Variants in ERC2 observed in about 807,000 individuals in gnomAD.
ERC2 encodes ERC protein 2.
In ERC2, 42 loss-of-function variants were observed where a neutral mutation model predicts 114.8. That is an observed-to-expected ratio of 0.37 (90% CI 0.29 to 0.47). The LOEUF (loss-of-function observed/expected upper bound fraction) is 0.47. Among genes scored for constraint, ERC2 ranks in the 20% least tolerant of loss-of-function variants. The pLI is 0.99. For synonymous variants in ERC2, 454 were observed against 425.5 expected, an observed-to-expected ratio of 1.07 and a Z score of -0.82; for missense variants, 939 against 1,150.7, an observed-to-expected ratio of 0.82 and a Z score of 2.66.
intron 7 of ERC2, among the ~76,000 whole-genome samples, chr3:56,025,968 C>A (rs2074014391): frequency 6.7e-6 from 1 of 149,038 alleles, no homozygotes; most frequent in Non-Finnish European, 1.5e-5. Flanking sequence ...TTAATATGGC[C>A]AAAAAATGGA....
chr3:56,296,406 T>C lies in ERC2; in HGVS notation c.687A>G (p.Gln229=). The C allele has an allele frequency of 6.2e-7, 1 of 1,613,884 alleles. No individual in the cohort carries two copies. The highest frequency in any genetic ancestry group is 2.2e-5 in the East Asian group (1 of 44,872). Reference sequence around the variant, plus strand: ...GGTCTCTCTGGGTTCGCAGCTCATCTTGAAGGGCCTGGATTGTCAACTGTA... The same window carrying C: ...GGTCTCTCTGGGTTCGCAGCTCATCCTGAAGGGCCTGGATTGTCAACTGTA... ...QHLQLTIQAL[Q]DELRTQRDLN... Residue 229 remains glutamine, a synonymous_variant, in exon 3 of 18, where the codon CAA becomes CAG. Coordinates refer to ENST00000288221, the MANE Select transcript of ERC2 (RefSeq NM_015576.3).
At chr3:55,909,371 T>C (rs144308703) in intron 13 of ERC2, among the ~76,000 whole-genome samples, 36 of 152,302 alleles carry the variant, frequency 2.4e-4, no homozygotes, top group African/African-American at 7.7e-4. Context: ...GTACTTCTCT[T>C]GATACAGAGG....
intron 14 of ERC2, among the ~76,000 whole-genome samples, chr3:55,858,989 C>T (rs897954451): frequency 1.3e-5 from 2 of 152,204 alleles, no homozygotes; most frequent in Non-Finnish European, 2.9e-5. Context: ...GACCTGGCTC[C>T]TTTACAGCCC....
intron 7 of ERC2, among the ~76,000 whole-genome samples, chr3:56,078,887 T>C (rs1045478719): frequency 6.7e-6 from 1 of 149,856 alleles, no homozygotes; most frequent in Non-Finnish European, 1.5e-5. Flanking sequence ...AAAATACATA[T>C]ACACACAAAA....
At chr3:56,052,698 C>T (rs2075827225) in intron 7 of ERC2, among the ~76,000 whole-genome samples, 1 of 152,076 alleles carries the variant, frequency 6.6e-6, no homozygotes, top group Admixed American at 6.6e-5. Context: ...AGAGTTAATG[C>T]AAATGTAGAA....
chr3:55,579,634 C>T (rs1014096676), intron 17 of ERC2, among the ~76,000 whole-genome samples: 4 of 152,262 alleles, frequency 2.6e-5, no homozygotes, highest in African/African-American at 9.6e-5. Flanking sequence ...ATGAAATATA[C>T]AGCGCATGCT....
chr3:56,004,056 A>G (rs934859506), intron 10 of ERC2, among the ~76,000 whole-genome samples: 1 of 152,056 alleles, frequency 6.6e-6, no homozygotes, highest in Non-Finnish European at 1.5e-5. Flanking sequence ...TTCAACTTGA[A>G]TGAAGTAAAT....
chr3:55,844,039 C>T (rs555137342), intron 14 of ERC2, among the ~76,000 whole-genome samples: 9 of 152,240 alleles, frequency 5.9e-5, no homozygotes, highest in South Asian at 4.1e-4. Flanking sequence ...CCAAAGTAAA[C>T]GAACATTTTT....
chr3:56,049,818 ATGTGTGTGTGTGTGTGTGTGTGTGTGTG>A (rs3052672), intron 7 of ERC2, among the ~76,000 whole-genome samples: 1 of 145,208 alleles, frequency 6.9e-6, no homozygotes, highest in Non-Finnish European at 1.5e-5. Flanking sequence ...CCCATCATAT[ATGTGTGTGTGTGTGTGTGTGTGTGTGTG>A]TGTGTGTGTG....
intron 14 of ERC2, among the ~76,000 whole-genome samples, chr3:55,747,937 T>G (rs1390196): frequency 0.6 from 90,667 of 152,078 alleles, 27,419 homozygotes; most frequent in South Asian, 0.7. Flanking sequence ...TTACCTGAAA[T>G]TTCTGGACTC....
chr3:56,309,964 G>A (rs1388128132), intron 2 of ERC2, among the ~76,000 whole-genome samples: 1 of 152,140 alleles, frequency 6.6e-6, no homozygotes, highest in Non-Finnish European at 1.5e-5. Context: ...AAGCGCTTTG[G>A]CATTTTTTTA....
chr3:55,919,213 T>C (rs752714594), intron 13 of ERC2, among the ~76,000 whole-genome samples: 7 of 152,038 alleles, frequency 4.6e-5, no homozygotes, highest in Non-Finnish European at 8.8e-5. Flanking sequence ...ACCTTATCTC[T>C]ACAAAAAGTT....
chr3:55,523,313 G>T lies in ERC2; in HGVS notation c.*40-12037C>A, dbSNP rs998082156. ...TGATATTGCAAAACTCTACAGAGAT[G>T]TATGAAATTCCTGATCCGGGGTGCC... On this transcript the variant is annotated intron_variant, in intron 17 of 17. Coordinates refer to ENST00000288221, the MANE Select transcript of ERC2 (RefSeq NM_015576.3). 2.0e-5 allele frequency among the ~76,000 whole-genome samples: 3 copies of T among 152,242 alleles called. No homozygotes were observed. The South Asian group carries it at 6.2e-4, about 31-fold the overall frequency.
intron 17 of ERC2, among the ~76,000 whole-genome samples, chr3:55,583,648 A>G (rs1372084084): frequency 6.7e-6 from 1 of 149,646 alleles, no homozygotes; most frequent in Non-Finnish European, 1.5e-5. Context: ...TTTACTGAGT[A>G]CAAGTCTATG....
chr3:55,679,124 T>C (rs1252370214), intron 17 of ERC2, among the ~76,000 whole-genome samples: 21 of 152,212 alleles, frequency 1.4e-4, no homozygotes, highest in Admixed American at 1.4e-3. Context: ...AGGCTTAAAA[T>C]CTAAACTCTC....
chr3:55,636,135 C>T (rs1023097211), intron 17 of ERC2, among the ~76,000 whole-genome samples: 2 of 152,136 alleles, frequency 1.3e-5, no homozygotes, highest in Non-Finnish European at 2.9e-5. Flanking sequence ...CTCGGCCTCC[C>T]AAAGTGCTGG....
chr3:56,123,006 T>C (rs2079666023), intron 6 of ERC2, among the ~76,000 whole-genome samples: 1 of 152,174 alleles, frequency 6.6e-6, no homozygotes, highest in Non-Finnish European at 1.5e-5. Context: ...TGAACTTATC[T>C]ACCATTCAAT....
At chr3:56,077,373 T>C (rs537069500) in intron 7 of ERC2, among the ~76,000 whole-genome samples, 1 of 152,316 alleles carries the variant, frequency 6.6e-6, no homozygotes, top group South Asian at 2.1e-4. Context: ...ACATGAAACA[T>C]TTCCAAACCC....
chr3:56,124,756 G>A (rs568385327), intron 6 of ERC2, among the ~76,000 whole-genome samples: 1 of 152,226 alleles, frequency 6.6e-6, no homozygotes, highest in South Asian at 2.1e-4. Context: ...ACCAACAGGT[G>A]TCTGCCAGGA....
Sources: allele counts gnomAD v4.1 joint callset (sites outside exome capture counted in the v4.1 genomes callset), GRCh38; gene constraint gnomAD v4.1.1; transcripts MANE v1.5; gene names NCBI Gene and HGNC (gene_info 2026-07-23, HGNC 2026-07-21).